Variants in HS3ST4 observed in about 807,000 individuals in gnomAD.
The protein encoded by HS3ST4 is heparan sulfate-glucosamine 3-sulfotransferase 4.
Under a neutral mutation model 29.2 loss-of-function variants are expected in HS3ST4, and 17 were observed. The ratio of observed to expected loss-of-function variants is 0.58; its 90% CI spans 0.40 to 0.87. The LOEUF is 0.87. Among genes scored for constraint, HS3ST4 ranks in the 40% least tolerant of loss-of-function variants. The pLI is 0.00. For missense variants in HS3ST4, 627 were observed against 634.5 expected (o/e 0.99, Z 0.13); for synonymous variants, 314 against 285.7 (o/e 1.10, Z -1.00).
intron 1 of HS3ST4, among the ~76,000 whole-genome samples, chr16:26,045,810 A>G (rs1388216932): frequency 6.6e-6 from 1 of 152,112 alleles, no homozygotes; most frequent in Non-Finnish European, 1.5e-5. Context: ...TTATATTTTT[A>G]TGGTTTGAAG....
intron 1 of HS3ST4, among the ~76,000 whole-genome samples, chr16:25,789,178 G>T (rs926690067): frequency 3.3e-5 from 5 of 152,064 alleles, no homozygotes; most frequent in African/African-American, 1.2e-4. Flanking sequence ...CATAAAGGAT[G>T]TTATTTAGTC....
At chr16:25,728,820 TGGCTATA>T (rs1311425330) in intron 1 of HS3ST4, among the ~76,000 whole-genome samples, 17 of 152,314 alleles carry the variant, frequency 1.1e-4, no homozygotes, top group African/African-American at 3.8e-4. Context: ...CAGTGGTTCA[TGGCTATA>T]ATCCCGACAC....
chr16:26,047,438 G>A (rs1898284511), intron 1 of HS3ST4, among the ~76,000 whole-genome samples: 1 of 152,198 alleles, frequency 6.6e-6, no homozygotes, highest in Non-Finnish European at 1.5e-5. Context: ...TATTCCAGTG[G>A]GAAGTTGGTG....
At chr16:25,927,554 T>C (rs1036845588) in intron 1 of HS3ST4, among the ~76,000 whole-genome samples, 3 of 152,194 alleles carry the variant, frequency 2.0e-5, no homozygotes, top group Non-Finnish European at 4.4e-5. Flanking sequence ...CTTAAATGCC[T>C]GTGTGCTGGC....
At chr16:25,795,937 C>T (rs115434912) in intron 1 of HS3ST4, among the ~76,000 whole-genome samples, 2,088 of 149,302 alleles carry the variant, frequency 0.014, 54 homozygotes, top group African/African-American at 0.052. Flanking sequence ...GTGAGACTGT[C>T]AAAACTCTTT....
chr16:25,789,427 CT>C (rs1966863704), intron 1 of HS3ST4, among the ~76,000 whole-genome samples: 1 of 52,620 alleles, frequency 1.9e-5, no homozygotes, highest in Non-Finnish European at 3.7e-5. Context: ...TCCTTCCTTC[CT>C]TCCTTCCTTC....
Position 26,053,326 on chromosome 16 carries a change from A to G in HS3ST4, c.735-82286A>G, listed in dbSNP as rs549426293. ...GCTTATCACAGCACTTGGAAAAGCT[A>G]ATTAATGTTAATACTTGCTGCAATT... On this transcript the variant is annotated intron_variant, in intron 1 of 1. Coordinates refer to ENST00000331351, the MANE Select transcript of HS3ST4 (RefSeq NM_006040.3). 3.9e-5 allele frequency among the ~76,000 whole-genome samples: 6 copies of G among 152,354 alleles called. No homozygotes were observed. In the South Asian group the frequency reaches 1.2e-3, roughly 32 times the overall value.
chr16:25,703,441 C>T (rs184943627), intron 1 of HS3ST4, among the ~76,000 whole-genome samples: 17 of 152,310 alleles, frequency 1.1e-4, no homozygotes, highest in South Asian at 2.1e-4. Flanking sequence ...ATATTACCCA[C>T]GCCTTACAGG....
chr16:25,922,550 C>A (rs1968364172), intron 1 of HS3ST4, among the ~76,000 whole-genome samples: 1 of 152,204 alleles, frequency 6.6e-6, no homozygotes, highest in Non-Finnish European at 1.5e-5. Flanking sequence ...CTGGTCACCA[C>A]TAAATATTGG....
chr16:26,065,073 C>G (rs1374901545), intron 1 of HS3ST4, among the ~76,000 whole-genome samples: 2 of 152,156 alleles, frequency 1.3e-5, no homozygotes, highest in Non-Finnish European at 2.9e-5. Context: ...TATGATTCCT[C>G]AAAGACCTAA....
chr16:26,126,002 G>A (rs1345035117), intron 1 of HS3ST4, among the ~76,000 whole-genome samples: 1 of 152,210 alleles, frequency 6.6e-6, no homozygotes. Context: ...TTTTAAGAAA[G>A]ATTCTTATGT....
intron 1 of HS3ST4, among the ~76,000 whole-genome samples, chr16:25,883,181 C>A (rs1349509009): frequency 6.9e-6 from 1 of 144,104 alleles, no homozygotes; most frequent in East Asian, 2.2e-4. Flanking sequence ...ACAAAAATCT[C>A]ATTCTCACAG....
chr16:25,922,190 T>A (rs374022166), intron 1 of HS3ST4, among the ~76,000 whole-genome samples: 1 of 152,256 alleles, frequency 6.6e-6, no homozygotes, highest in African/African-American at 2.4e-5. Flanking sequence ...GGTCTGAAAA[T>A]TGTATCTCCC....
chr16:25,756,602 T>C (rs946655775), intron 1 of HS3ST4, among the ~76,000 whole-genome samples: 1 of 152,152 alleles, frequency 6.6e-6, no homozygotes, highest in Non-Finnish European at 1.5e-5. Context: ...AGATTCAATA[T>C]TGACCACAAA....
In HS3ST4 at chr16:25,744,313, G is replaced by A. The variant is rs1227392551; in HGVS notation, c.734+51162G>A. Reference sequence around the variant, plus strand: ...ACTTTTAATACCTTCATTTTTTAATGGGTCTGAAAATCTGCCTGACATTTG... The same window carrying A: ...ACTTTTAATACCTTCATTTTTTAATAGGTCTGAAAATCTGCCTGACATTTG... On this transcript the variant is annotated intron_variant, in intron 1 of 1. Coordinates refer to ENST00000331351, the MANE Select transcript of HS3ST4 (RefSeq NM_006040.3). 4.6e-5 allele frequency among the ~76,000 whole-genome samples: 7 copies of A among 152,004 alleles called. No individual in the cohort carries two copies. The East Asian group carries it at 9.6e-4, about 21-fold the overall frequency.
At chr16:25,954,868 T>C (rs1489039726) in intron 1 of HS3ST4, among the ~76,000 whole-genome samples, 1 of 152,198 alleles carries the variant, frequency 6.6e-6, no homozygotes, top group African/African-American at 2.4e-5. Context: ...TCTCAACCTG[T>C]CTAATGCCAG....
intron 1 of HS3ST4, among the ~76,000 whole-genome samples, chr16:26,073,377 CTTTTCTTTTT>C (rs1189289365): frequency 2.8e-5 from 2 of 72,636 alleles, no homozygotes; most frequent in African/African-American, 8.7e-5. Flanking sequence ...CTTTTCTTTT[CTTTTCTTTTT>C]TTTCTGTGAC....
chr16:25,698,958 G>T (rs1221074119), intron 1 of HS3ST4, among the ~76,000 whole-genome samples: 2 of 152,182 alleles, frequency 1.3e-5, no homozygotes, highest in Non-Finnish European at 2.9e-5. Flanking sequence ...TTCCCAATGT[G>T]CAAGTGTGGC....
chr16:25,937,935 A>G (rs1169355860), intron 1 of HS3ST4, among the ~76,000 whole-genome samples: 1 of 152,118 alleles, frequency 6.6e-6, no homozygotes, highest in Non-Finnish European at 1.5e-5. Context: ...TGTTGGTGGA[A>G]ATGGGTGGTG....
Sources: allele counts gnomAD v4.1 joint callset (sites outside exome capture counted in the v4.1 genomes callset), GRCh38; gene constraint gnomAD v4.1.1; transcripts MANE v1.5; gene names NCBI Gene and HGNC (gene_info 2026-07-23, HGNC 2026-07-21).